Variants in CHRM3 observed in about 807,000 individuals in gnomAD.
CHRM3 encodes the protein muscarinic acetylcholine receptor M3.
A neutral mutation model predicts 41.8 loss-of-function variants in CHRM3; 11 were observed. The observed-to-expected ratio is 0.26, with a 90% CI of 0.17 to 0.44. The LOEUF (loss-of-function observed/expected upper bound fraction) is 0.44, where lower values mean the gene tolerates loss of function less well. CHRM3 is among the 20% of genes least tolerant of loss of function. CHRM3 has a pLI of 1.00. For synonymous variants in CHRM3, 297 were observed against 301.4 expected (o/e 0.99, Z 0.15); for missense variants, 571 against 745.4 (o/e 0.77, Z 2.72).
At chr1:239,665,001 G>A (rs553351848) in intron 4 of CHRM3, among the ~76,000 whole-genome samples, 8 of 152,082 alleles carry the variant, frequency 5.3e-5, no homozygotes, top group African/African-American at 1.9e-4. Flanking sequence ...GGCCCCTGCA[G>A]CAGATCTGTC....
chr1:239,420,249 T>G (rs1353445243), intron 1 of CHRM3, among the ~76,000 whole-genome samples: 1 of 152,210 alleles, frequency 6.6e-6, no homozygotes, highest in Non-Finnish European at 1.5e-5. Context: ...ACTCAACTGT[T>G]TCTCCTCCTT....
At chr1:239,734,808 C>T (rs774209912) in intron 5 of CHRM3, among the ~76,000 whole-genome samples, 9 of 151,990 alleles carry the variant, frequency 5.9e-5, no homozygotes, top group Non-Finnish European at 8.8e-5. Context: ...TTCAAAACAA[C>T]CCAAGATGGA....
chr1:239,390,482 A>G (rs778879495), intron 1 of CHRM3, among the ~76,000 whole-genome samples: 10 of 152,160 alleles, frequency 6.6e-5, no homozygotes, highest in Non-Finnish European at 1.0e-4. Flanking sequence ...ATTAGGGAAT[A>G]TATCTTTGTT....
intron 4 of CHRM3, among the ~76,000 whole-genome samples, chr1:239,651,483 C>A (rs16832154): frequency 6.6e-6 from 1 of 152,082 alleles, no homozygotes; most frequent in Admixed American, 6.6e-5. Flanking sequence ...ACAGAGAATG[C>A]TGGTGGGGTG....
intron 5 of CHRM3, among the ~76,000 whole-genome samples, chr1:239,755,397 T>G (rs1389715072): frequency 1.3e-5 from 2 of 152,208 alleles, no homozygotes; most frequent in Non-Finnish European, 2.9e-5. Context: ...ATAAAGTTCC[T>G]GATTTTTATG....
intron 5 of CHRM3, among the ~76,000 whole-genome samples, chr1:239,807,747 T>C (rs562295252): frequency 1.6e-3 from 237 of 152,180 alleles, no homozygotes; most frequent in Non-Finnish European, 2.9e-3. Context: ...TTATACCTTT[T>C]AGTATATAGA....
intron 3 of CHRM3, among the ~76,000 whole-genome samples, chr1:239,576,247 C>T (rs1263811431): frequency 6.8e-6 from 1 of 147,846 alleles, no homozygotes; most frequent in Admixed American, 7.0e-5. Context: ...AGCTGTAAGA[C>T]TTCCTAAACC....
At chr1:239,480,608 G>A (rs569547923) in intron 1 of CHRM3, among the ~76,000 whole-genome samples, 2 of 141,176 alleles carry the variant, frequency 1.4e-5, no homozygotes, top group South Asian at 4.6e-4. Context: ...CCAGGCTGGA[G>A]TGCAGTGGCA....
chr1:239,574,930 T>C (rs190020185), intron 3 of CHRM3, among the ~76,000 whole-genome samples: 176 of 152,280 alleles, frequency 1.2e-3, no homozygotes, highest in African/African-American at 4.1e-3. Flanking sequence ...TTTTATTTTA[T>C]TTTGAATGGA....
Position 239,843,973 on chromosome 1 carries a change from C to T in CHRM3, c.-20+16595C>T, listed in dbSNP as rs77233437. 9.4e-3 allele frequency among the ~76,000 whole-genome samples: 1,430 copies of T among 152,122 alleles called. 22 individuals are homozygous for T. Among genetic ancestry groups the T allele is most frequent in the African/African-American group, 0.032 (1,335 of 41,506 alleles). The stretch of plus-strand genomic sequence containing the variant: ...ACACATACACATATGCATACACACA[C>T]GTTATATATACAGTTTGTTTTGTTT... On this transcript the variant is annotated intron_variant, in intron 6 of 6. Transcript: ENST00000676153.
At chr1:239,409,922 C>T (rs1251598994) in intron 1 of CHRM3, among the ~76,000 whole-genome samples, 1 of 152,166 alleles carries the variant, frequency 6.6e-6, no homozygotes, top group Non-Finnish European at 1.5e-5. Context: ...GCCTGGGTGA[C>T]AGAGCGAGAC....
chr1:239,504,476 C>G (rs773900099), intron 2 of CHRM3, among the ~76,000 whole-genome samples: 3 of 152,178 alleles, frequency 2.0e-5, no homozygotes, highest in Non-Finnish European at 4.4e-5. Context: ...GGAATGTAAA[C>G]TAGTACAACC....
intron 6 of CHRM3, chr1:239,886,585 A>G (rs1345786407): frequency 6.6e-6 from 1 of 152,206 alleles, no homozygotes; most frequent in Non-Finnish European, 1.5e-5. Context: ...AATAAATCAT[A>G]TAATTGTAGG....
chr1:239,760,577 A>T (rs1051252736), intron 5 of CHRM3, among the ~76,000 whole-genome samples: 1 of 151,780 alleles, frequency 6.6e-6, no homozygotes, highest in Non-Finnish European at 1.5e-5. Context: ...CTCTCCCCTC[A>T]TGAGCTCCTC....
At chr1:239,482,283 T>G (rs1165799113) in intron 1 of CHRM3, among the ~76,000 whole-genome samples, 3 of 152,190 alleles carry the variant, frequency 2.0e-5, no homozygotes, top group Admixed American at 6.5e-5. Flanking sequence ...GTCTCTTTTC[T>G]GCATGACTTT....
intron 3 of CHRM3, among the ~76,000 whole-genome samples, chr1:239,608,769 G>A (rs6686316): frequency 1 from 151,609 of 152,334 alleles, 75,448 homozygotes; most frequent in East Asian, 1. Flanking sequence ...AGTTTTAAAT[G>A]TAAAACTATT....
At chr1:239,880,746 C>T (rs1277100685) in intron 6 of CHRM3, among the ~76,000 whole-genome samples, 1 of 152,144 alleles carries the variant, frequency 6.6e-6, no homozygotes, top group African/African-American at 2.4e-5. Flanking sequence ...ATCCTCCCAC[C>T]TCAGCCTCTC....
intron 3 of CHRM3, among the ~76,000 whole-genome samples, chr1:239,607,089 G>T (rs1469523053): frequency 2.6e-5 from 4 of 151,836 alleles, no homozygotes; most frequent in Non-Finnish European, 5.9e-5. Context: ...GATTTTTTTT[G>T]TTTGTTTTTT....
At chr1:239,761,609 A>G (rs1666779711) in intron 5 of CHRM3, among the ~76,000 whole-genome samples, 1 of 152,128 alleles carries the variant, frequency 6.6e-6, no homozygotes, top group African/African-American at 2.4e-5. Flanking sequence ...AAAAGTGCCT[A>G]CTCTGGCACT....
Sources: gnomAD v4.1 joint callset for allele counts (sites outside exome capture counted in the v4.1 genomes callset) on GRCh38, gnomAD v4.1.1 for gene constraint, MANE v1.5 for transcripts, NCBI Gene and HGNC (gene_info 2026-07-23, HGNC 2026-07-21) for gene names.